CDYL2: variants seen among roughly 807,000 people sequenced by gnomAD.
CDYL2 encodes the protein chromodomain Y like 2.
A neutral mutation model predicts 49.4 loss-of-function variants in CDYL2; 23 were observed. The observed-to-expected ratio is 0.47, with a 90% CI of 0.34 to 0.66. CDYL2 has a LOEUF of 0.66. Among genes scored for constraint, CDYL2 ranks in the 30% least tolerant of loss-of-function variants. The pLI is 0.01. For missense variants in CDYL2, 678 were observed against 656.4 expected, an observed-to-expected ratio of 1.03 and a Z score of -0.36; for synonymous variants, 360 against 268.8, an observed-to-expected ratio of 1.34 and a Z score of -3.32.
At chr16:80,656,730 A>C (rs1908830179) in intron 2 of CDYL2, among the ~76,000 whole-genome samples, 1 of 152,230 alleles carries the variant, frequency 6.6e-6, no homozygotes, top group Non-Finnish European at 1.5e-5. Context: ...AGAGTCAATA[A>C]GATGAAGCCG....
chr16:80,779,452 T>G (rs891377447), intron 1 of CDYL2, among the ~76,000 whole-genome samples: 1 of 151,950 alleles, frequency 6.6e-6, no homozygotes, highest in Non-Finnish European at 1.5e-5. Context: ...TTCTGGAGAG[T>G]AATTTGACAG....
At chr16:80,715,051 C>G (rs988035808) in intron 1 of CDYL2, among the ~76,000 whole-genome samples, 3 of 152,104 alleles carry the variant, frequency 2.0e-5, no homozygotes, top group African/African-American at 7.2e-5. Context: ...TAAGCTCATG[C>G]AAGTGAGCGG....
chr16:80,726,116 T>C (rs1905154940), intron 1 of CDYL2, among the ~76,000 whole-genome samples: 2 of 152,230 alleles, frequency 1.3e-5, no homozygotes, highest in South Asian at 2.1e-4. Flanking sequence ...TGAAATAAGA[T>C]TGCTCATCAG....
intron 1 of CDYL2, among the ~76,000 whole-genome samples, chr16:80,741,422 T>G (rs1166659528): frequency 1.3e-5 from 2 of 152,110 alleles, no homozygotes; most frequent in African/African-American, 4.8e-5. Flanking sequence ...ATAAAAGCTT[T>G]TATTAAACAT....
At chr16:80,607,443 C>T (rs1255608125) in intron 6 of CDYL2, among the ~76,000 whole-genome samples, 1 of 152,208 alleles carries the variant, frequency 6.6e-6, no homozygotes, top group East Asian at 1.9e-4. Context: ...GTCCTAGAGC[C>T]TCAATCTCCC....
intron 1 of CDYL2, among the ~76,000 whole-genome samples, chr16:80,687,551 T>C (rs1368215041): frequency 6.7e-6 from 1 of 150,372 alleles, no homozygotes; most frequent in African/African-American, 2.5e-5. Context: ...AATAGATGGA[T>C]GGATGGCTGG....
intron 3 of CDYL2, chr16:80,627,630 G>A (rs916415721): frequency 6.6e-6 from 1 of 152,110 alleles, no homozygotes; most frequent in African/African-American, 2.4e-5. Flanking sequence ...TAATGTAACT[G>A]GTTCATTTAA....
chr16:80,780,201 A>G (rs1304907939), intron 1 of CDYL2, among the ~76,000 whole-genome samples: 2 of 152,100 alleles, frequency 1.3e-5, no homozygotes, highest in Admixed American at 1.3e-4. Flanking sequence ...CTTCTAAAAG[A>G]TTTCTGTGAA....
chr16:80,705,333 G>GT (rs2142505604), intron 1 of CDYL2, among the ~76,000 whole-genome samples: 1 of 152,332 alleles, frequency 6.6e-6, no homozygotes, highest in South Asian at 2.1e-4. Flanking sequence ...CTGGCCAAAG[G>GT]CCACTTTTGA....
At chr16:80,699,260 T>C (rs184576024) in intron 1 of CDYL2, among the ~76,000 whole-genome samples, 94 of 152,290 alleles carry the variant, frequency 6.2e-4, no homozygotes, top group African/African-American at 2.2e-3. Flanking sequence ...CCAACCTAAG[T>C]GTCCATCAAC....
intron 1 of CDYL2, among the ~76,000 whole-genome samples, chr16:80,719,190 T>G (rs1486112436): frequency 6.6e-6 from 1 of 152,096 alleles, no homozygotes; most frequent in Non-Finnish European, 1.5e-5. Context: ...CTGACCCCCG[T>G]GAATGCAAAG....
chr16:80,620,755 C>T lies in CDYL2; in HGVS notation c.1007+8G>A, dbSNP rs748217096. 5 of 1,586,436 alleles carry T rather than the reference C, an allele frequency of 3.2e-6. No homozygotes were observed. The highest frequency in any genetic ancestry group is 3.4e-5 in the Admixed American group (2 of 58,416). On this transcript the variant is annotated splice_region_variant and intron_variant, in intron 4 of 6. Coordinates refer to ENST00000570137, the MANE Select transcript of CDYL2 (RefSeq NM_152342.4). ...ACCCCAGGGTGTGTGAAAAGGAGCA[C>T]AGCTCACCTGATGGCTTCTGCAATC...
intron 3 of CDYL2, chr16:80,628,116 C>T (rs1425322433): frequency 1.3e-5 from 2 of 152,258 alleles, no homozygotes; most frequent in East Asian, 1.9e-4. Context: ...GATGCATACT[C>T]TCCCTTCTCC....
rs553004071 is a variant in CDYL2, at chr16:80,762,405, T to C, written c.24+41745A>G. On this transcript the variant is annotated intron_variant, in intron 1 of 6. Transcript: ENST00000570137. ...CAAACCAAACGTGGAAAGAGCAGAA[T>C]ATGACTACAGTCCATACAAGCAGCA... Among the ~76,000 whole-genome samples, 4 of 152,158 alleles carry C rather than the reference T, an allele frequency of 2.6e-5. No individual in the cohort carries two copies. In the South Asian group the frequency reaches 8.3e-4, roughly 32 times the overall value.
chr16:80,693,142 T>A (rs1205143565), intron 1 of CDYL2, among the ~76,000 whole-genome samples: 1 of 76,168 alleles, frequency 1.3e-5, no homozygotes, highest in Non-Finnish European at 2.8e-5. Flanking sequence ...GATGGCGGGG[T>A]GGGGGTGAGA....
chr16:80,762,257 T>G (rs1372405837), intron 1 of CDYL2, among the ~76,000 whole-genome samples: 3 of 152,102 alleles, frequency 2.0e-5, no homozygotes, highest in Non-Finnish European at 4.4e-5. Context: ...AAAGTTCAAA[T>G]GAACTTCAGA....
At chr16:80,768,849 T>C (rs1906814207) in intron 1 of CDYL2, among the ~76,000 whole-genome samples, 1 of 152,222 alleles carries the variant, frequency 6.6e-6, no homozygotes, top group South Asian at 2.1e-4. Flanking sequence ...TTGTAAAAGA[T>C]GCTTTAGGAT....
chr16:80,804,021 G>T, intron 1 of CDYL2, 129 bp downstream of exon 1: 2 of 605,844 alleles, frequency 3.3e-6, no homozygotes, highest in South Asian at 7.5e-5. Flanking sequence ...GGCCGCCGCC[G>T]CCGCCGCCGC....
At chr16:80,774,577 G>T (rs951795733) in intron 1 of CDYL2, among the ~76,000 whole-genome samples, 1 of 151,970 alleles carries the variant, frequency 6.6e-6, no homozygotes, top group Non-Finnish European at 1.5e-5. Flanking sequence ...AAGATAAATT[G>T]GTGAGGTAAC....
Sources: gnomAD v4.1 joint callset for allele counts (sites outside exome capture counted in the v4.1 genomes callset) on GRCh38, gnomAD v4.1.1 for gene constraint, MANE v1.5 for transcripts, NCBI Gene and HGNC (gene_info 2026-07-23, HGNC 2026-07-21) for gene names.